The following CCDC12 variants were observed in gnomAD, a reference collection of about 807,000 sequenced individuals.
CCDC12 encodes the protein coiled-coil domain-containing protein 12.
A neutral mutation model predicts 25.7 loss-of-function variants in CCDC12; 28 were observed. That is an observed-to-expected ratio of 1.09 (90% confidence interval 0.81 to 1.50). The LOEUF is 1.50. CCDC12 is among the 40% of genes most tolerant of loss of function. The pLI is 0.00. For missense variants in CCDC12, 198 were observed against 210.0 expected (o/e 0.94, Z 0.35); for synonymous variants, 75 against 87.7 (o/e 0.86, Z 0.81).
chr3:46,978,523 C>A (rs376476416), upstream of CCDC12, among the ~76,000 whole-genome samples: 782 of 150,024 alleles, frequency 5.2e-3, 7 homozygotes, highest in African/African-American at 0.018. Context: ...GCCACCATCA[C>A]CCCGTGCCCC....
chr3:46,977,400 G>C (rs1367306512), upstream of CCDC12, among the ~76,000 whole-genome samples: 1 of 149,598 alleles, frequency 6.7e-6, no homozygotes, highest in Admixed American at 6.7e-5. Flanking sequence ...TTGAACCAGA[G>C]AGGCGGAGGT....
Position 46,976,602 on chromosome 3 carries a change from C to T in CCDC12, c.96+35G>A, listed in dbSNP as rs367631499. 242 of 1,592,682 alleles carry T rather than the reference C, an allele frequency of 1.5e-4. No homozygotes were observed. The East Asian group carries it at 3.4e-3, about 22-fold the overall frequency. ...CGCGACCCGGACCCCGAACGCTGGA[C>T]GCCTCAACTGCGACCCTCACTCCAC... On this transcript the variant is annotated intron_variant, in intron 1 of 6. Coordinates refer to ENST00000683445, the MANE Select transcript of CCDC12 (RefSeq NM_001277074.2).
intron 2 of CCDC12, among the ~76,000 whole-genome samples, chr3:46,929,056 T>C (rs2033098479): frequency 6.6e-6 from 1 of 152,146 alleles, no homozygotes; most frequent in African/African-American, 2.4e-5. Context: ...AATAACAACT[T>C]ATAGTATTTA....
chr3:46,966,742 G>C (rs2034653725), intron 1 of CCDC12, among the ~76,000 whole-genome samples: 1 of 152,096 alleles, frequency 6.6e-6, no homozygotes, highest in Non-Finnish European at 1.5e-5. Context: ...CAGTGGAAAG[G>C]AGGCTTAATT....
At chr3:46,939,619 G>A (rs1249214046) in intron 2 of CCDC12, among the ~76,000 whole-genome samples, 1 of 152,132 alleles carries the variant, frequency 6.6e-6, no homozygotes, top group Non-Finnish European at 1.5e-5. Flanking sequence ...TTCAAGAGCT[G>A]GGGGCTGAGG....
At chr3:46,972,293 AC>A (rs1187202361) in intron 1 of CCDC12, among the ~76,000 whole-genome samples, 1 of 152,140 alleles carries the variant, frequency 6.6e-6, no homozygotes, top group Non-Finnish European at 1.5e-5. Context: ...ACACAGTGAG[AC>A]CCCCATCTCT....
intron 2 of CCDC12, among the ~76,000 whole-genome samples, chr3:46,930,712 A>ACC (rs1353299503): frequency 2.6e-5 from 4 of 151,312 alleles, no homozygotes; most frequent in Non-Finnish European, 5.9e-5. Flanking sequence ...CAGCCTGCTC[A>ACC]CCCCCTCAGC....
upstream of CCDC12, chr3:46,979,840 A>G: frequency 2.3e-6 from 1 of 430,158 alleles, no homozygotes. Context: ...GGCGCGCAGC[A>G]GGGCCGGAGC....
chr3:46,955,415 T>C (rs1183562147), intron 1 of CCDC12, among the ~76,000 whole-genome samples: 1 of 152,008 alleles, frequency 6.6e-6, no homozygotes, highest in African/African-American at 2.4e-5. Flanking sequence ...CACCCTATAG[T>C]GCATCCAAAG....
intron 1 of CCDC12, among the ~76,000 whole-genome samples, chr3:46,969,772 A>G (rs1220276281): frequency 6.6e-6 from 1 of 152,200 alleles, no homozygotes; most frequent in East Asian, 1.9e-4. Flanking sequence ...GTAGAGACAC[A>G]GTTTCTTGTA....
chr3:46,976,887 C>G, upstream of CCDC12: 1 of 1,291,394 alleles, frequency 7.7e-7, no homozygotes, highest in Non-Finnish European at 1.0e-6. Context: ...GAGCCCTCCC[C>G]GCCTTGCCCC....
At chr3:46,955,051 C>T (rs888826532) in intron 1 of CCDC12, among the ~76,000 whole-genome samples, 1 of 152,190 alleles carries the variant, frequency 6.6e-6, no homozygotes, top group Non-Finnish European at 1.5e-5. Context: ...AGTTCTTTTC[C>T]AATGTTAACG....
At chr3:46,937,113 C>A (rs920060820) in intron 2 of CCDC12, among the ~76,000 whole-genome samples, 19 of 152,208 alleles carry the variant, frequency 1.2e-4, no homozygotes, top group African/African-American at 3.9e-4. Context: ...CTGTGTAACT[C>A]CCTTGGCGTC....
chr3:46,950,857 T>C (rs1438833648), intron 1 of CCDC12, among the ~76,000 whole-genome samples: 2 of 151,666 alleles, frequency 1.3e-5, no homozygotes, highest in African/African-American at 4.8e-5. Context: ...TGCAACAACA[T>C]GGACAAATCT....
intron 1 of CCDC12, among the ~76,000 whole-genome samples, chr3:46,974,060 T>G (rs906327639): frequency 6.6e-6 from 1 of 152,180 alleles, no homozygotes; most frequent in Non-Finnish European, 1.5e-5. Context: ...ATGGATGAAG[T>G]GTGAAGACAT....
At chr3:46,962,427 T>G (rs2034490435) in intron 1 of CCDC12, among the ~76,000 whole-genome samples, 1 of 70,918 alleles carries the variant, frequency 1.4e-5, no homozygotes, top group African/African-American at 6.5e-5. Context: ...AGAGCAAAAC[T>G]CTATCTCAAA....
intron 1 of CCDC12, among the ~76,000 whole-genome samples, chr3:46,966,494 C>T (rs1046106346): frequency 1.3e-5 from 2 of 150,898 alleles, no homozygotes. Flanking sequence ...CCAGCCTGGG[C>T]GACAGAGTGA....
At chr3:46,975,526 CTTTTTTTTTTTT>C (rs3028814) in intron 1 of CCDC12, among the ~76,000 whole-genome samples, 3 of 82,566 alleles carry the variant, frequency 3.6e-5, no homozygotes, top group Admixed American at 1.6e-4. Flanking sequence ...TAAATCTTTT[CTTTTTTTTTTTT>C]TTTTTTTTTT....
At chr3:46,925,556 A>T in intron 2 of CCDC12, 21 bp from the exon 3 acceptor site, 1 of 1,527,898 alleles carries the variant, frequency 6.5e-7, no homozygotes, top group Non-Finnish European at 8.9e-7. Context: ...AGAGGGAACA[A>T]GCAGAGATGA....
Sources: gnomAD v4.1 joint callset for allele counts (sites outside exome capture counted in the v4.1 genomes callset) on GRCh38, gnomAD v4.1.1 for gene constraint, MANE v1.5 for transcripts, NCBI Gene and HGNC (gene_info 2026-07-23, HGNC 2026-07-21) for gene names.